Variants in ENOSF1 observed in about 807,000 individuals in gnomAD.
The protein encoded by ENOSF1 is enolase superfamily member 1, also known as mitochondrial enolase superfamily member 1.
A neutral mutation model predicts 68.2 loss-of-function variants in ENOSF1; 73 were observed. That is an observed-to-expected ratio of 1.07 (90% CI 0.89 to 1.30). The LOEUF (loss-of-function observed/expected upper bound fraction) is 1.30, where lower values mean the gene tolerates loss of function less well. Ranked by LOEUF, ENOSF1 falls within the 50% of genes most tolerant of loss-of-function variation. The pLI, the probability that ENOSF1 is intolerant of heterozygous loss-of-function variation, is 0.00. For missense variants in ENOSF1, 589 were observed against 554.5 expected (o/e 1.06, Z -0.62); for synonymous variants, 223 against 210.4 (o/e 1.06, Z -0.52).
chr18:668,547 A>T (rs1039974091), downstream of ENOSF1, among the ~76,000 whole-genome samples: 4 of 152,338 alleles, frequency 2.6e-5, no homozygotes, highest in South Asian at 4.1e-4. Flanking sequence ...AAGTAATTTT[A>T]GGTGGAAGTG....
chr18:681,758 C>T (rs1019214857), intron 11 of ENOSF1, among the ~76,000 whole-genome samples: 3 of 152,202 alleles, frequency 2.0e-5, no homozygotes, highest in African/African-American at 7.2e-5. Flanking sequence ...CTGTGCTTGG[C>T]ATTCAGTGCC....
intron 2 of ENOSF1, 31 bp downstream of exon 2, chr18:706,439 T>C (rs781303661): frequency 7.1e-7 from 1 of 1,406,850 alleles, no homozygotes; most frequent in Non-Finnish European, 1.0e-6. Flanking sequence ...AAATTAAGCA[T>C]TCTGGAACCT....
chr18:694,952 T>C (rs2077572136), intron 3 of ENOSF1, among the ~76,000 whole-genome samples: 1 of 152,198 alleles, frequency 6.6e-6, no homozygotes, highest in African/African-American at 2.4e-5. Context: ...GTATAGTTCC[T>C]GAAAACAAGG....
chr18:683,309 C>T lies in ENOSF1; in HGVS notation c.813G>A (p.Lys271=). 1 of 1,614,162 alleles carries T rather than the reference C, an allele frequency of 6.2e-7. No individual in the cohort carries two copies. Among genetic ancestry groups the T allele is most frequent in the Non-Finnish European group, 8.5e-7 (1 of 1,180,024 alleles). The part of the protein sequence containing the change: ...VEWMSKLAKF[K]PLWIEEPTSP... Reference sequence around the variant, plus strand: ...AGGTTGGCTCCTCAATCCACAATGGCTTGAACTTGGCCAGCTTGGACATCC... The same window carrying T: ...AGGTTGGCTCCTCAATCCACAATGGTTTGAACTTGGCCAGCTTGGACATCC... Residue 271 remains lysine, a synonymous_variant, in exon 11 of 16, where the codon AAG becomes AAA. Transcript: ENST00000647584.
chr18:672,950 G>A lies in ENOSF1; in HGVS notation c.*1355C>T, dbSNP rs765591852. 5.6e-6 allele frequency: 9 copies of A among 1,595,986 alleles called. No homozygotes were observed. The highest frequency in any genetic ancestry group is 1.7e-5 in the Admixed American group (1 of 59,880). ...CTTCAAAGCTGAAGACTTTCAGATT[G>A]AAGGGTACAATCCGCATCCAACTAT... On this transcript the variant is annotated 3_prime_UTR_variant, in exon 16 of 16. Coordinates refer to ENST00000647584, the MANE Select transcript of ENOSF1 (RefSeq NM_017512.7).
chr18:664,416 G>A, the ENOSF1 span, among the ~76,000 whole-genome samples: 1 of 145,572 alleles, frequency 6.9e-6, no homozygotes, highest in Non-Finnish European at 1.5e-5. Flanking sequence ...GGAGATTTTG[G>A]GCTGAGACAA....
intron 5 of ENOSF1, 39 bp from the exon 6 acceptor site, chr18:691,315 T>C: frequency 6.6e-7 from 1 of 1,514,304 alleles, no homozygotes; most frequent in Non-Finnish European, 9.1e-7. Flanking sequence ...CTGAATCAAT[T>C]ATAAGGTGGG....
chr18:678,875 TC>T, intron 11 of ENOSF1, 138 bp from the exon 12 acceptor site: 1 of 854,420 alleles, frequency 1.2e-6, no homozygotes, highest in South Asian at 1.6e-5. Flanking sequence ...GCAAAGGATG[TC>T]CAGGGGAACA....
At chr18:709,437 C>A (rs541068788) in intron 1 of ENOSF1, among the ~76,000 whole-genome samples, 1 of 152,202 alleles carries the variant, frequency 6.6e-6, no homozygotes, top group African/African-American at 2.4e-5. Context: ...ATAACAAGGG[C>A]AATTCACAGA....
chr18:706,860 C>T (rs2079004098), intron 1 of ENOSF1: 2 of 150,638 alleles, frequency 1.3e-5, no homozygotes, highest in Non-Finnish European at 2.9e-5. Flanking sequence ...GCTCTGTCAC[C>T]TAGGCAGGAG....
At position 688,649 on chromosome 18, in the gene ENOSF1, C is replaced by T. The variant is rs368507084; in HGVS notation, c.619-41G>A. On this transcript the variant is annotated intron_variant, in intron 8 of 15. Coordinates refer to ENST00000647584, the MANE Select transcript of ENOSF1 (RefSeq NM_017512.7). ...ACAGGGTCACACACTGGAGAGAGCC[C>T]CTTGGTCTGACCAGGAAGTCAGTCA... is the stretch of plus-strand genomic sequence containing the variant. The T allele has an allele frequency of 1.1e-4, 170 of 1,584,952 alleles. No homozygotes were observed. In the South Asian group the frequency reaches 1.8e-3, roughly 17 times the overall value.
At chr18:675,814 G>C (rs1480724846) in intron 14 of ENOSF1, among the ~76,000 whole-genome samples, 1 of 134,122 alleles carries the variant, frequency 7.5e-6, no homozygotes, top group Non-Finnish European at 1.6e-5. Flanking sequence ...CCAGGGGCTT[G>C]GGGTTTTTTT....
intron 5 of ENOSF1, chr18:692,961 A>G (rs1300632879): frequency 1.7e-6 from 2 of 1,174,008 alleles, no homozygotes; most frequent in African/African-American, 3.2e-5. Flanking sequence ...CCAACTAATA[A>G]CAAGGGCCTT....
At chr18:678,864 G>A (rs2075785810) in intron 11 of ENOSF1, 127 bp from the exon 12 acceptor site, 1 of 917,998 alleles carries the variant, frequency 1.1e-6, no homozygotes, top group Non-Finnish European at 1.7e-6. Context: ...GCTCAAGACT[G>A]GCAAAGGATG....
downstream of ENOSF1, among the ~76,000 whole-genome samples, chr18:668,651 ACT>A (rs754573274): frequency 2.0e-5 from 3 of 152,150 alleles, no homozygotes; most frequent in African/African-American, 4.8e-5. Context: ...AAGATACAAC[ACT>A]CTCTGTGAGA....
intron 8 of ENOSF1, among the ~76,000 whole-genome samples, chr18:689,229 T>C (rs1234924151): frequency 6.6e-6 from 1 of 152,156 alleles, no homozygotes; most frequent in Admixed American, 6.5e-5. Flanking sequence ...ACAAAATGAA[T>C]GGCTTTGCAT....
downstream of ENOSF1, among the ~76,000 whole-genome samples, chr18:667,517 TGATGGTGATGGA>T (rs1567990856): frequency 1.4e-4 from 8 of 55,268 alleles, no homozygotes; most frequent in Non-Finnish European, 1.6e-4. Flanking sequence ...ATGGTGATGG[TGATGGTGATGGA>T]GATGGTGATG....
intron 3 of ENOSF1, among the ~76,000 whole-genome samples, chr18:696,204 C>CTTTTTTTTTTTTTTTTTTTTTTTTTT: frequency 8.4e-6 from 1 of 118,688 alleles, no homozygotes; most frequent in Non-Finnish European, 1.6e-5. Flanking sequence ...ACATCTCTCT[C>CTTTTTTTTTTTTTTTTTTTTTTTTTT]TTTTTTTTTT....
Position 697,297 on chromosome 18 carries a change from AATGTCCTTG to A in ENOSF1, c.243_251del (p.Lys82_Ile84del). ...TATAGAAGCCTCTGAAGTCACCAAC[AATGTCCTTG>A]AGGTCCTTGTTGAGCACATGGTGGG... On this transcript the variant is annotated inframe_deletion, in exon 3 of 16. Transcript: ENST00000647584. 6.2e-7 allele frequency: 1 copy of A among 1,613,990 alleles called. No individual in the cohort carries two copies. The highest frequency in any genetic ancestry group is 1.6e-4 in the Middle Eastern group (1 of 6,062).
Sources: gnomAD v4.1 joint callset for allele counts (sites outside exome capture counted in the v4.1 genomes callset) on GRCh38, gnomAD v4.1.1 for gene constraint, MANE v1.5 for transcripts, NCBI Gene and HGNC (gene_info 2026-07-23, HGNC 2026-07-21) for gene names.